The following FYB1 variants were observed in gnomAD, a reference collection of about 807,000 sequenced individuals.
FYB1 encodes FYN binding protein 1.
FYB1 carries 41 observed loss-of-function variants against 94.1 expected under a neutral mutation model. That is an observed-to-expected ratio of 0.44 (90% CI 0.34 to 0.57). The LOEUF is 0.57. Ranked by LOEUF, FYB1 falls within the 20% of genes least tolerant of loss-of-function variation. The pLI is 0.02. For synonymous variants in FYB1, 367 were observed against 353.2 expected (o/e 1.04, Z -0.44); for missense variants, 1,050 against 976.8 (o/e 1.07, Z -1.00).
At chr5:39,257,168 A>G (rs555850426) in intron 1 of FYB1, among the ~76,000 whole-genome samples, 5 of 152,382 alleles carry the variant, frequency 3.3e-5, no homozygotes, top group African/African-American at 1.2e-4. Context: ...CTGAGTATAG[A>G]ATATTCTGAA....
At chr5:39,199,491 T>G (rs1748128238) in intron 2 of FYB1, among the ~76,000 whole-genome samples, 1 of 152,192 alleles carries the variant, frequency 6.6e-6, no homozygotes, top group African/African-American at 2.4e-5. Flanking sequence ...GTTAAATTGA[T>G]TAAGCTTGTC....
At chr5:39,119,097 T>G (rs1179458038) in intron 15 of FYB1, 61 bp from the exon 16 acceptor site, 4 of 741,478 alleles carry the variant, frequency 5.4e-6, no homozygotes, top group Admixed American at 7.8e-5. Flanking sequence ...AACAACTTAT[T>G]TATGGATGGA....
At chr5:39,134,811 T>C (rs1289496867) in intron 8 of FYB1, 44 bp downstream of exon 8, 1 of 1,605,638 alleles carries the variant, frequency 6.2e-7, no homozygotes. Flanking sequence ...GAATATTGCC[T>C]CGCAAAGAAA....
Position 39,208,158 on chromosome 5 carries a change from A to G in FYB1, c.-27-5171T>C, listed in dbSNP as rs115783600. Among the ~76,000 whole-genome samples the G allele has an allele frequency of 5.1e-3, 776 of 152,328 alleles. 7 individuals are homozygous for G. The highest frequency in any genetic ancestry group is 0.017 in the African/African-American group (691 of 41,560). On this transcript the variant is annotated intron_variant, in intron 1 of 18. Transcript: ENST00000512982. ...TCTTTAGAACGTTCTTTAAAATACA[A>G]AAGAAACAAAACTTCCATAAATCAT...
At chr5:39,263,541 G>GA (rs905068748) in intron 1 of FYB1, among the ~76,000 whole-genome samples, 47 of 150,460 alleles carry the variant, frequency 3.1e-4, no homozygotes, top group African/African-American at 6.8e-4. Context: ...TTACCTAAAA[G>GA]AAAAAAAAAT....
chr5:39,116,173 T>G (rs539256554), intron 16 of FYB1, among the ~76,000 whole-genome samples: 1 of 152,200 alleles, frequency 6.6e-6, no homozygotes, highest in Non-Finnish European at 1.5e-5. Context: ...CGCTTCTCTA[T>G]CTCATTCACT....
chr5:39,209,611 G>A (rs972030502), intron 1 of FYB1, among the ~76,000 whole-genome samples: 1 of 152,174 alleles, frequency 6.6e-6, no homozygotes, highest in Non-Finnish European at 1.5e-5. Flanking sequence ...TTACAGGCGT[G>A]AGCCACCGCA....
At chr5:39,262,337 TG>T (rs1477492115) in intron 1 of FYB1, among the ~76,000 whole-genome samples, 2 of 152,034 alleles carry the variant, frequency 1.3e-5, no homozygotes, top group Non-Finnish European at 2.9e-5. Flanking sequence ...ATGAAACACA[TG>T]AGAGATAATT....
In FYB1 at chr5:39,259,803, T is replaced by C. The variant is rs144040022; in HGVS notation, c.-28+14600A>G. Among the ~76,000 whole-genome samples, 41 of 152,160 alleles carry C rather than the reference T, an allele frequency of 2.7e-4. No homozygotes were observed. In the East Asian group the frequency reaches 7.5e-3, roughly 28 times the overall value. On this transcript the variant is annotated intron_variant, in intron 1 of 1. Coordinates refer to the FYB1 transcript ENST00000510188. ...GGATAAGAGAAACAATTCCAAAAAT[T>C]GGAAATACAAACTTTATCATTAAAA...
At chr5:39,263,429 C>G (rs545929554) in intron 1 of FYB1, among the ~76,000 whole-genome samples, 1 of 151,990 alleles carries the variant, frequency 6.6e-6, no homozygotes, top group South Asian at 2.1e-4. Flanking sequence ...TAGGTGTCCT[C>G]TTTTGCAGAA....
In FYB1 at chr5:39,146,116, T is replaced by C. The variant is rs576476089; in HGVS notation, c.1293-4975A>G. Among the ~76,000 whole-genome samples the C allele has an allele frequency of 3.3e-5, 5 of 152,038 alleles. No individual in the cohort carries two copies. The East Asian group carries it at 9.7e-4, about 30-fold the overall frequency. ...TTTTAATAGAGACAGGGTTTCACCATGTTGGCTAGGCTGGTCTTGAACTCC... is the reference window on the plus strand; with the variant it reads ...TTTTAATAGAGACAGGGTTTCACCACGTTGGCTAGGCTGGTCTTGAACTCC... On this transcript the variant is annotated intron_variant, in intron 3 of 18. Coordinates refer to ENST00000512982, the MANE Select transcript of FYB1 (RefSeq NM_001465.6).
intron 17 of FYB1, among the ~76,000 whole-genome samples, chr5:39,109,250 G>GCC (rs1738831341): frequency 6.6e-6 from 1 of 151,838 alleles, no homozygotes; most frequent in African/African-American, 2.4e-5. Context: ...TGGAGGGAGG[G>GCC]TTTGGCTAAC....
chr5:39,138,817 T>C, intron 5 of FYB1, 126 bp from the exon 6 acceptor site: 1 of 698,616 alleles, frequency 1.4e-6, no homozygotes, highest in Non-Finnish European at 2.6e-6. Flanking sequence ...ACATATTAAA[T>C]GGTCCAGAGG....
At chr5:39,227,206 A>G (rs560943127) in intron 1 of FYB1, among the ~76,000 whole-genome samples, 4 of 152,354 alleles carry the variant, frequency 2.6e-5, no homozygotes, top group African/African-American at 9.6e-5. Context: ...AAAATATACC[A>G]AAAAGATATA....
chr5:39,243,443 G>A (rs1097202), intron 1 of FYB1, among the ~76,000 whole-genome samples: 24,590 of 150,706 alleles, frequency 0.16, 5,460 homozygotes, highest in African/African-American at 0.49. Flanking sequence ...CAAAGATCAG[G>A]TAGTTGTAGA....
At chr5:39,268,390 G>T (rs1752524453) in intron 1 of FYB1, among the ~76,000 whole-genome samples, 1 of 151,768 alleles carries the variant, frequency 6.6e-6, no homozygotes, top group African/African-American at 2.4e-5. Context: ...ACTAGGCCTG[G>T]CTGATTTATT....
intron 2 of FYB1, among the ~76,000 whole-genome samples, chr5:39,192,666 G>C (rs1747466183): frequency 6.6e-6 from 1 of 152,226 alleles, no homozygotes; most frequent in South Asian, 2.1e-4. Flanking sequence ...AAAAGCGACA[G>C]TTCCTCTTAA....
At chr5:39,139,171 CATA>C (rs1304229084) in intron 5 of FYB1, 59 bp downstream of exon 5, 3 of 1,373,224 alleles carry the variant, frequency 2.2e-6, no homozygotes, top group Admixed American at 2.7e-5. Context: ...CGGAGTGAAT[CATA>C]ATACTTGTGA....
intron 2 of FYB1, among the ~76,000 whole-genome samples, chr5:39,186,804 A>G (rs1475810834): frequency 6.6e-6 from 1 of 151,950 alleles, no homozygotes; most frequent in East Asian, 1.9e-4. Flanking sequence ...GTCTTTCTTT[A>G]TGATGTACTA....
Sources: allele counts gnomAD v4.1 joint callset (sites outside exome capture counted in the v4.1 genomes callset), GRCh38; gene constraint gnomAD v4.1.1; transcripts MANE v1.5; gene names NCBI Gene and HGNC (gene_info 2026-07-23, HGNC 2026-07-21).